Variants in CARS2 observed in about 807,000 individuals in gnomAD.
CARS2 encodes cysteinyl-tRNA synthetase 2, mitochondrial, also known as probable cysteine--tRNA ligase, mitochondrial.
Under a neutral mutation model 68.8 loss-of-function variants are expected in CARS2, and 52 were observed. The observed-to-expected ratio is 0.76, with a 90% CI of 0.61 to 0.95. CARS2 has a LOEUF of 0.95. CARS2 is among the 40% of genes least tolerant of loss of function. The pLI is 0.00. For synonymous variants in CARS2, 314 were observed against 303.6 expected (o/e 1.03, Z -0.36); for missense variants, 780 against 754.2 (o/e 1.03, Z -0.40).
chr13:110,642,453 C>T lies in CARS2; in HGVS notation c.1485G>A (p.Gln495=), dbSNP rs781269830. ...GVVDELVRFR[Q]KVRQFALAMP... ...TGGCCAGCGCAAACTGCCGGACCTT[C>T]TGCCGGAACCGCACCAGCTCGTCCA... Residue 495 remains glutamine (Q), a synonymous_variant, in exon 14 of 15, where the codon CAG becomes CAA. Coordinates refer to ENST00000257347, the MANE Select transcript of CARS2 (RefSeq NM_024537.4). 6.2e-7 allele frequency: 1 copy of T among 1,608,488 alleles called. No homozygotes were observed. The highest frequency in any genetic ancestry group is 1.1e-5 in the South Asian group (1 of 90,056).
At chr13:110,644,079 C>G (rs1194974653) in intron 13 of CARS2, 67 of 1,299,004 alleles carry the variant, frequency 5.2e-5, no homozygotes, top group Non-Finnish European at 6.7e-5. Flanking sequence ...CCTGTGACTT[C>G]TGCACATTCT....
chr13:110,709,369 C>T (rs1366439682), upstream of CARS2, among the ~76,000 whole-genome samples: 1 of 152,146 alleles, frequency 6.6e-6, no homozygotes, highest in Non-Finnish European at 1.5e-5. Flanking sequence ...GCTGGGATTA[C>T]AGGCATGAGC....
At chr13:110,644,542 C>G (rs1447856762) in intron 12 of CARS2, 59 bp from the exon 13 acceptor site, 35 of 1,601,030 alleles carry the variant, frequency 2.2e-5, no homozygotes, top group Non-Finnish European at 2.8e-5. Flanking sequence ...AGTGGGCAAA[C>G]GGAATTCAAT....
intron 9 of CARS2, among the ~76,000 whole-genome samples, chr13:110,658,250 T>A (rs1328365006): frequency 6.6e-6 from 1 of 152,206 alleles, no homozygotes; most frequent in African/African-American, 2.4e-5. Flanking sequence ...GAGAACACCA[T>A]GCTAAGTGAA....
At chr13:110,678,851 T>G in intron 6 of CARS2, among the ~76,000 whole-genome samples, 2 of 148,694 alleles carry the variant, frequency 1.3e-5, no homozygotes, top group African/African-American at 2.5e-5. Context: ...GGGGGAAGAG[T>G]GGACGGGGCT....
intron 5 of CARS2, among the ~76,000 whole-genome samples, chr13:110,684,047 G>A (rs1172365907): frequency 1.3e-5 from 2 of 152,184 alleles, no homozygotes; most frequent in Non-Finnish European, 2.9e-5. Context: ...GCTTTGTCAA[G>A]AAGAAAGCAC....
In CARS2 at chr13:110,705,796, C is replaced by T; in HGVS notation, c.224+74G>A. On this transcript the variant is annotated intron_variant, in intron 1 of 14. Coordinates refer to ENST00000257347, the MANE Select transcript of CARS2 (RefSeq NM_024537.4). This position sits in a 1 kb window ranked among gnomAD's most constrained non-coding sequence, Gnocchi z 4.0. The stretch of plus-strand genomic sequence containing the variant: ...AGCTTCCTAAACGCCCTCCCCGAGC[C>T]CAGATCCCGTTCAGCCGTGGGAAGT... 6.6e-7 allele frequency: 1 copy of T among 1,526,714 alleles called. No homozygotes were observed. The highest frequency in any genetic ancestry group is 8.8e-7 in the Non-Finnish European group (1 of 1,139,516). The allele number at this position is 1,526,714 out of a possible 1,614,324, so 94.6% of individuals were successfully genotyped here.
intron 1 of CARS2, chr13:110,712,587 A>T (rs1005654682): frequency 1.2e-4 from 45 of 378,312 alleles, no homozygotes; most frequent in Non-Finnish European, 1.9e-4. Context: ...CGTGGCGTCC[A>T]GGCTTCTCAG....
chr13:110,711,417 T>C (rs1467738314), upstream of CARS2, among the ~76,000 whole-genome samples: 1 of 152,236 alleles, frequency 6.6e-6, no homozygotes, highest in Non-Finnish European at 1.5e-5. Flanking sequence ...TTTCACCATG[T>C]TGCCCAAGCT....
chr13:110,685,731 C>T (rs2063282212), intron 5 of CARS2, among the ~76,000 whole-genome samples: 1 of 152,088 alleles, frequency 6.6e-6, no homozygotes, highest in Admixed American at 6.6e-5. Flanking sequence ...TGAAGGAGAA[C>T]TTCATGGAGA....
At position 110,668,178 on chromosome 13, in the gene CARS2, C is replaced by A. The variant is rs1002221596; in HGVS notation, c.786-705G>T. ...CTGGTTCCCTGTGCTCGGGGAAGCA[C>A]TGCACACGGAGGTCTCGAGCCTGGG... On this transcript the variant is annotated intron_variant, in intron 7 of 14. Transcript: ENST00000257347. This position sits in a 1 kb window ranked among gnomAD's most constrained non-coding sequence, Gnocchi z 4.1. 6.6e-6 allele frequency among the ~76,000 whole-genome samples: 1 copy of A among 152,346 alleles called. No homozygotes were observed. The highest frequency in any genetic ancestry group is 6.5e-5 in the Admixed American group (1 of 15,300).
At chr13:110,699,277 G>A (rs894552579) in intron 3 of CARS2, among the ~76,000 whole-genome samples, 1 of 152,208 alleles carries the variant, frequency 6.6e-6, no homozygotes, top group Non-Finnish European at 1.5e-5. Flanking sequence ...TGCTCTTGGA[G>A]GGTCAAACTG....
At chr13:110,666,797 TA>T in intron 8 of CARS2, 2 of 985,456 alleles carry the variant, frequency 2.0e-6, no homozygotes, top group Non-Finnish European at 2.4e-6. Context: ...CAAAAGGTAA[TA>T]AGACTAGTTA....
chr13:110,683,710 T>G (rs1410555002), intron 5 of CARS2, among the ~76,000 whole-genome samples: 2 of 152,184 alleles, frequency 1.3e-5, no homozygotes, highest in African/African-American at 4.8e-5. Context: ...AAACTACCTT[T>G]TTACTCAGAT....
chr13:110,712,609 T>G, intron 1 of CARS2: 1 of 421,384 alleles, frequency 2.4e-6, no homozygotes, highest in South Asian at 2.2e-5. Flanking sequence ...AAGCCCAAAA[T>G]CCGGGAGCTT....
At chr13:110,713,311 C>A (rs1384721109) in exon 1 of CARS2, 1 of 1,177,246 alleles carries the variant, frequency 8.5e-7, no homozygotes, top group South Asian at 3.1e-5. Flanking sequence ...ACCATGGTCT[C>A]GGAGGTTTCT....
intron 5 of CARS2, among the ~76,000 whole-genome samples, chr13:110,686,242 CTTTTTT>C (rs60668690): frequency 1.5e-5 from 2 of 136,254 alleles, no homozygotes; most frequent in Non-Finnish European, 3.2e-5. Flanking sequence ...GCAACTCACG[CTTTTTT>C]TTTTTTTTTT....
At chr13:110,663,422 T>A in intron 9 of CARS2, 29 bp downstream of exon 9, 1 of 1,603,782 alleles carries the variant, frequency 6.2e-7, no homozygotes, top group Non-Finnish European at 8.5e-7. Context: ...TATCGGCACC[T>A]CAGAGATACA....
At chr13:110,674,090 G>A (rs1162835347) in intron 7 of CARS2, among the ~76,000 whole-genome samples, 1 of 152,194 alleles carries the variant, frequency 6.6e-6, no homozygotes, top group Non-Finnish European at 1.5e-5. Flanking sequence ...AACATTCCAT[G>A]CTCATGGATA....
Sources: gnomAD v4.1 joint callset for allele counts (sites outside exome capture counted in the v4.1 genomes callset) on GRCh38, gnomAD v4.1.1 for gene constraint, Gnocchi (gnomAD v3.1) non-coding constraint, MANE v1.5 for transcripts, NCBI Gene and HGNC (gene_info 2026-07-23, HGNC 2026-07-21) for gene names.